The following RGL4 variants were observed in gnomAD, a reference collection of about 807,000 sequenced individuals.
The protein encoded by RGL4 is ral guanine nucleotide dissociation stimulator like 4.
In RGL4, 41 loss-of-function variants were observed where a neutral mutation model predicts 49.6. The ratio of observed to expected loss-of-function variants is 0.83; its 90% confidence interval spans 0.64 to 1.07. The LOEUF is 1.07. Ranked by LOEUF, RGL4 falls within the 50% of genes least tolerant of loss-of-function variation. The pLI, the probability that RGL4 is intolerant of heterozygous loss-of-function variation, is 0.00. For missense variants in RGL4, 610 were observed against 591.9 expected (o/e 1.03, Z -0.32); for synonymous variants, 255 against 238.0 (o/e 1.07, Z -0.66).
intron 9 of RGL4, 172 bp downstream of exon 9, chr22:23,698,033 T>C (rs1923624468): frequency 1.7e-6 from 2 of 1,171,598 alleles, no homozygotes; most frequent in Non-Finnish European, 2.5e-6. Flanking sequence ...AGCACTGGAA[T>C]CAAAGACCAA....
In RGL4 at chr22:23,696,689, G is replaced by A. The variant is rs1384631315; in HGVS notation, c.1161+1G>A. Reference sequence around the variant, plus strand: ...GATGAGGCTGCGGAGGCAGAAGAAGGTGAGTGAGCCTGTGGCATGGACGGG... The same window carrying A: ...GATGAGGCTGCGGAGGCAGAAGAAGATGAGTGAGCCTGTGGCATGGACGGG... On this transcript the variant is annotated splice_donor_variant, in intron 7 of 10. Coordinates refer to ENST00000290691, the MANE Select transcript of RGL4 (RefSeq NM_153615.2). LOFTEE classifies it high-confidence loss of function. 1.2e-6 allele frequency: 2 copies of A among 1,612,514 alleles called. No individual in the cohort carries two copies. Among genetic ancestry groups the A allele is most frequent in the Non-Finnish European group, 1.7e-6 (2 of 1,179,524 alleles).
intron 9 of RGL4, 62 bp from the exon 10 acceptor site, chr22:23,698,150 G>A: frequency 6.4e-7 from 1 of 1,568,572 alleles, no homozygotes; most frequent in Non-Finnish European, 8.7e-7. Flanking sequence ...CTCCCTGCCT[G>A]CCAAAGGCCC....
rs201763204 is a variant in RGL4 at position 23,696,599 on chromosome 22, G to A, written c.1087-15G>A. ...GGAGGAGAGCCTCACTGTCCCTGTC[G>A]CTGACACCTGGCAGGCGGGGAGCTT... is the stretch of plus-strand genomic sequence containing the variant. On this transcript the variant is annotated splice_polypyrimidine_tract_variant and intron_variant, in intron 6 of 10. Coordinates refer to ENST00000290691, the MANE Select transcript of RGL4 (RefSeq NM_153615.2). 4.0e-4 allele frequency: 640 copies of A among 1,613,686 alleles called. 1 individual carries two copies. The highest frequency in any genetic ancestry group is 2.2e-3 in the African/African-American group (165 of 75,042).
rs369392926 is a variant in RGL4 at position 23,693,754 on chromosome 22, C to A, written c.697-5C>A. ...TGTCCGTGACACTCTCCTCCTCCCC[C>A]AAAGGAGCTGTTCAAGAAGGTGGTG... On this transcript the variant is annotated splice_region_variant and splice_polypyrimidine_tract_variant and intron_variant, in intron 3 of 10. Coordinates refer to ENST00000290691, the MANE Select transcript of RGL4 (RefSeq NM_153615.2). 2.0e-5 allele frequency: 33 copies of A among 1,612,614 alleles called. No homozygotes were observed. The highest frequency in any genetic ancestry group is 8.3e-5 in the Admixed American group (5 of 59,994).
chr22:23,691,893 G>GGCTGGGGTCACA lies in RGL4; in HGVS notation c.-132_-121dup. The stretch of plus-strand genomic sequence containing the variant: ...TAGGTCCCCTGCAAAGCAGAGGGGA[G>GGCTGGGGTCACA]GCTGGGGTCACAGCTGGCCACTGAG... On this transcript the variant is annotated 5_prime_UTR_variant, in exon 1 of 11. Coordinates refer to ENST00000290691, the MANE Select transcript of RGL4 (RefSeq NM_153615.2). The GGCTGGGGTCACA allele has an allele frequency of 1.2e-6, 1 of 808,598 alleles. No individual in the cohort carries two copies. Among genetic ancestry groups the GGCTGGGGTCACA allele is most frequent in the Non-Finnish European group, 1.9e-6 (1 of 516,466 alleles). 50.1% of individuals were successfully genotyped at this position (808,598 alleles called of 1,614,324 possible).
chr22:23,692,810 C>G lies in RGL4; in HGVS notation c.515C>G (p.Pro172Arg), dbSNP rs1327757504. The G allele has an allele frequency of 6.2e-7, 1 of 1,613,662 alleles. No homozygotes were observed. The highest frequency in any genetic ancestry group is 1.3e-5 in the African/African-American group (1 of 75,046). ...CCACCAGGATATCTACATTCAGCAC[C>G]AGGGCCAGCACCAGCACCAGGGGAA... ...LGPPGYLHSAPGPAPAPGEGP... is the reference protein window; with the variant it reads ...LGPPGYLHSARGPAPAPGEGP... Residue 172 changes from proline (P) to arginine (R), a missense_variant, in exon 3 of 11, where the codon CCA becomes CGA. Transcript: ENST00000290691.
In RGL4 at chr22:23,697,486, C is replaced by T. The variant is rs191135294; in HGVS notation, c.1236+241C>T. On this transcript the variant is annotated intron_variant, in intron 8 of 10. Transcript: ENST00000290691. ...GCTGCAGAGCTGCCTGACTGCAAAG[C>T]TGCTGAGGTGTGGGCTGAACTGGGC... Among the ~76,000 whole-genome samples, 4 of 152,330 alleles carry T rather than the reference C, an allele frequency of 2.6e-5. No homozygotes were observed. In the East Asian group the frequency reaches 7.7e-4, roughly 29 times the overall value.
At chr22:23,692,299 C>A (rs1923188462) in intron 1 of RGL4, 36 bp from the exon 2 acceptor site, 1 of 1,610,240 alleles carries the variant, frequency 6.2e-7, no homozygotes, top group African/African-American at 1.3e-5. Context: ...TGGGAGAAGG[C>A]CAGGCCTCTG....
Position 23,698,214 on chromosome 22 carries a change from G to C in RGL4, c.1263G>C (p.Glu421Asp), listed in dbSNP as rs1342117698. The stretch of plus-strand genomic sequence containing the variant: ...AGCATCCTGTCCTCTGTCTCTAGGA[G>C]GTCCGAGTTCTGCAGGAAATGCAGC... ...LDGNTNKRSK[E>D]VRVLQEMQLL... is the part of the protein sequence containing the mutation. Residue 421 changes from glutamate to aspartate, a missense_variant and splice_region_variant, in exon 10 of 11, where the codon GAG becomes GAC. Transcript: ENST00000290691. 1.2e-6 allele frequency: 2 copies of C among 1,605,084 alleles called. No homozygotes were observed. The highest frequency in any genetic ancestry group is 8.5e-7 in the Non-Finnish European group (1 of 1,172,832).
rs757664014 is a variant in RGL4, at chr22:23,698,370, G to C, written c.1382+37G>C. Reference sequence around the variant, plus strand: ...GCCCATGGGCTGAGGGTGGGAGAAGGCTCTCCATTTTTTTTTTTTAACATG... The same window carrying C: ...GCCCATGGGCTGAGGGTGGGAGAAGCCTCTCCATTTTTTTTTTTTAACATG... On this transcript the variant is annotated intron_variant, in intron 10 of 10. Transcript: ENST00000290691. 1.7e-5 allele frequency: 27 copies of C among 1,580,958 alleles called. No homozygotes were observed. In the East Asian group the frequency reaches 5.9e-4, roughly 34 times the overall value.
intron 7 of RGL4, 100 bp downstream of exon 7, chr22:23,696,788 C>T: frequency 9.8e-7 from 1 of 1,018,268 alleles, no homozygotes; most frequent in South Asian, 1.6e-5. Context: ...CGGGGGCTTC[C>T]TCCCCAGCCC....
In RGL4 at chr22:23,691,997, C is replaced by T. The variant is rs893891906; in HGVS notation, c.-34C>T. 3 of 1,608,068 alleles carry T rather than the reference C, an allele frequency of 1.9e-6. No individual in the cohort carries two copies. The highest frequency in any genetic ancestry group is 1.3e-5 in the African/African-American group (1 of 74,960). On this transcript the variant is annotated 5_prime_UTR_variant, in exon 1 of 11. Transcript: ENST00000290691. ...CCGACATCTGCCCCTTCCCTCCTAA[C>T]CCCAGGACCAGGGGACCCAGATCTG... is the stretch of plus-strand genomic sequence containing the variant.
At chr22:23,695,438 T>TCTGCTGCTGCTGCTG (rs60344348) in intron 6 of RGL4, 18 of 548,632 alleles carry the variant, frequency 3.3e-5, no homozygotes, top group Admixed American at 7.2e-5. Context: ...AAGCCAGGCC[T>TCTGCTGCTGCTGCTG]CTGCTGCTGC....
chr22:23,696,373 C>A (rs1191772834), intron 6 of RGL4: 4 of 1,440,908 alleles, frequency 2.8e-6, no homozygotes, highest in Admixed American at 2.3e-5. Flanking sequence ...GAAACTGAGC[C>A]CTCAGAGGCC....
At chr22:23,697,535 C>T (rs1207978051) in intron 8 of RGL4, among the ~76,000 whole-genome samples, 1 of 152,138 alleles carries the variant, frequency 6.6e-6, no homozygotes, top group Non-Finnish European at 1.5e-5. Flanking sequence ...AGGGTAGTCC[C>T]GTAATAGGAG....
intron 2 of RGL4, 69 bp downstream of exon 2, chr22:23,692,597 C>T (rs1923208063): frequency 2.5e-6 from 4 of 1,578,468 alleles, no homozygotes; most frequent in Admixed American, 1.8e-5. Context: ...CCTTAAATTC[C>T]ACCCGGTCAT....
In RGL4 at chr22:23,697,840, C is replaced by A. The variant is rs1435024951; in HGVS notation, c.1239C>A (p.Gly413=). The A allele has an allele frequency of 1.2e-6, 2 of 1,606,860 alleles. No homozygotes were observed. Among genetic ancestry groups the A allele is most frequent in the South Asian group, 2.2e-5 (2 of 89,122 alleles). ...LDSAIPDDLD[G]NTNKRSKEVR... ...GATGGACTCTGTCTGCCTTCCAGGG[C>A]AACACCAACAAGAGGAGCAAGGTGA... The change falls in exon 9 of 11, where the codon GGC becomes GGA. Residue 413 remains glycine (G), a splice_region_variant and synonymous_variant. Transcript: ENST00000290691.
rs201379749 is a variant in RGL4, at chr22:23,692,680, C to T, written c.385C>T (p.Arg129Cys). The change falls in exon 3 of 11, where the codon CGT becomes TGT. Residue 129 changes from arginine (R) to cysteine (C), a missense_variant. Physicochemically the swap from Arg to Cys is radical, Grantham distance 180 (BLOSUM62 -3). Coordinates refer to ENST00000290691, the MANE Select transcript of RGL4 (RefSeq NM_153615.2). ...NEAKPDDPAP[R>C]PGQHALTMPA... ...TTCTCCTTTTCCAGATCCTGCTCCA[C>T]GTCCTGGGCAACACGCATTAACAAT... 8.5e-4 allele frequency: 1,350 copies of T among 1,596,682 alleles called. 4 individuals carry two copies. The highest frequency in any genetic ancestry group is 8.8e-4 in the Non-Finnish European group (1,032 of 1,168,714).
intron 4 of RGL4, 158 bp from the exon 5 acceptor site, chr22:23,694,189 C>T (rs2123857531): frequency 2.8e-6 from 2 of 719,098 alleles, no homozygotes; most frequent in Non-Finnish European, 2.4e-6. Context: ...AACTAAAATC[C>T]TCCTAGATGA....
Sources: allele counts gnomAD v4.1 joint callset (sites outside exome capture counted in the v4.1 genomes callset), GRCh38; gene constraint gnomAD v4.1.1; transcripts MANE v1.5; gene names NCBI Gene and HGNC (gene_info 2026-07-23, HGNC 2026-07-21).